Variants in OR2L13 observed in about 807,000 individuals in gnomAD.
OR2L13 encodes the protein olfactory receptor family 2 subfamily L member 13.
A neutral mutation model predicts 15.3 loss-of-function variants in OR2L13; 14 were observed. The ratio of observed to expected loss-of-function variants is 0.91; its 90% confidence interval spans 0.60 to 1.43. The LOEUF (loss-of-function observed/expected upper bound fraction) is 1.43. Among genes scored for constraint, OR2L13 ranks in the 40% most tolerant of loss-of-function variants. The pLI is 0.00. For synonymous variants in OR2L13, 152 were observed against 142.9 expected, an observed-to-expected ratio of 1.06 and a Z score of -0.45; for missense variants, 367 against 387.9, an observed-to-expected ratio of 0.95 and a Z score of 0.45.
At chr1:248,008,496 T>TA in the OR2L13 span, among the ~76,000 whole-genome samples, 1 of 152,274 alleles carries the variant, frequency 6.6e-6, no homozygotes, top group East Asian at 1.9e-4. Context: ...ACATAGGAGA[T>TA]AAAGTGAGTG....
At chr1:248,054,213 G>A in the OR2L13 span, among the ~76,000 whole-genome samples, 1 of 152,126 alleles carries the variant, frequency 6.6e-6, no homozygotes, top group Non-Finnish European at 1.5e-5. Flanking sequence ...ATTAAATAGG[G>A]AATCTTTTCC....
the OR2L13 span, among the ~76,000 whole-genome samples, chr1:248,071,214 G>T: frequency 4.6e-5 from 7 of 152,124 alleles, no homozygotes; most frequent in Admixed American, 2.0e-4. Context: ...GAACATTGAT[G>T]CAAAAATCCT....
the OR2L13 span, among the ~76,000 whole-genome samples, chr1:247,954,944 C>G: frequency 8.1e-6 from 1 of 122,720 alleles, no homozygotes. Flanking sequence ...TTCATTCATT[C>G]AATATATATA....
At chr1:247,982,135 G>C in the OR2L13 span, among the ~76,000 whole-genome samples, 1 of 152,100 alleles carries the variant, frequency 6.6e-6, no homozygotes, top group Non-Finnish European at 1.5e-5. Context: ...ATTTTAAGTA[G>C]AGCAGCCTTA....
the OR2L13 span, among the ~76,000 whole-genome samples, chr1:247,967,750 C>T: frequency 6.6e-6 from 1 of 151,668 alleles, no homozygotes; most frequent in East Asian, 1.9e-4. Context: ...TCTCAAACAG[C>T]TCTTTATATA....
At chr1:248,027,049 C>G in the OR2L13 span, among the ~76,000 whole-genome samples, 29 of 152,196 alleles carry the variant, frequency 1.9e-4, no homozygotes, top group Non-Finnish European at 4.0e-4. Flanking sequence ...TCTCTTCTTT[C>G]AAAAGCAAAT....
At chr1:248,048,902 T>C in the OR2L13 span, among the ~76,000 whole-genome samples, 7 of 149,124 alleles carry the variant, frequency 4.7e-5, no homozygotes, top group Admixed American at 2.0e-4. Context: ...TCCCCAGCTT[T>C]TTCTTTCCTT....
At chr1:247,950,785 C>T in the OR2L13 span, among the ~76,000 whole-genome samples, 14 of 151,856 alleles carry the variant, frequency 9.2e-5, 1 homozygote, top group South Asian at 4.2e-4. Flanking sequence ...AAAGTGGGGA[C>T]GGTTAATGGT....
At chr1:247,970,772 G>C in the OR2L13 span, among the ~76,000 whole-genome samples, 138 of 152,216 alleles carry the variant, frequency 9.1e-4, no homozygotes, top group African/African-American at 3.3e-3. Context: ...TATTTATTCA[G>C]ATCCATTGCA....
the OR2L13 span, among the ~76,000 whole-genome samples, chr1:247,942,715 A>G: frequency 6.6e-6 from 1 of 152,176 alleles, no homozygotes; most frequent in Non-Finnish European, 1.5e-5. Context: ...AATGATTTTT[A>G]TTAGGGTAAA....
At chr1:247,962,019 A>T in the OR2L13 span, among the ~76,000 whole-genome samples, 2 of 152,168 alleles carry the variant, frequency 1.3e-5, no homozygotes, top group Non-Finnish European at 2.9e-5. Context: ...TTCCAGTGTG[A>T]TCATATGATC....
chr1:248,060,026 GAGA>G, the OR2L13 span, among the ~76,000 whole-genome samples: 2 of 147,552 alleles, frequency 1.4e-5, no homozygotes, highest in African/African-American at 5.2e-5. Flanking sequence ...GTAACAGAGA[GAGA>G]CCCTGTCACT....
the OR2L13 span, among the ~76,000 whole-genome samples, chr1:248,066,272 G>A: frequency 1.3e-5 from 2 of 152,056 alleles, no homozygotes; most frequent in Non-Finnish European, 2.9e-5. Flanking sequence ...CTTTTCCCTC[G>A]TTAATCTGTC....
chr1:248,034,645 G>A, the OR2L13 span, among the ~76,000 whole-genome samples: 1 of 152,038 alleles, frequency 6.6e-6, no homozygotes, highest in Admixed American at 6.5e-5. Flanking sequence ...TTCTTTGATT[G>A]TTCTAATCAG....
the OR2L13 span, among the ~76,000 whole-genome samples, chr1:247,968,291 A>G: frequency 1.3e-5 from 2 of 152,162 alleles, no homozygotes; most frequent in African/African-American, 4.8e-5. Flanking sequence ...GAAGAGTTCA[A>G]TGGAACCATC....
the OR2L13 span, among the ~76,000 whole-genome samples, chr1:248,010,763 G>GTTTTTT: frequency 3.2e-3 from 142 of 44,478 alleles, 2 homozygotes; most frequent in East Asian, 5.8e-3. Context: ...CTTTGTTGTT[G>GTTTTTT]TTTTTTTTTT....
At chr1:248,013,616 A>T in the OR2L13 span, 3 of 152,132 alleles carry the variant, frequency 2.0e-5, no homozygotes. Flanking sequence ...ATGAATGTAT[A>T]CATTTCTTTA....
At chr1:248,100,125 C>T (rs1231854773) in exon 3 of OR2L13, 14 of 1,614,008 alleles carry the variant, frequency 8.7e-6, no homozygotes, top group Non-Finnish European at 1.2e-5. Flanking sequence ...TGATCTTTTA[C>T]TATGCACCTT....
the OR2L13 span, among the ~76,000 whole-genome samples, chr1:247,988,550 G>C: frequency 1.9e-4 from 29 of 152,230 alleles, no homozygotes; most frequent in East Asian, 3.1e-3. Flanking sequence ...ATGTTTAAGT[G>C]AGTGTACATC....
Sources: gnomAD v4.1 joint callset for allele counts (sites outside exome capture counted in the v4.1 genomes callset) on GRCh38, gnomAD v4.1.1 for gene constraint, MANE v1.5 for transcripts, NCBI Gene and HGNC (gene_info 2026-07-23, HGNC 2026-07-21) for gene names.